PLCXD3: variants seen among roughly 807,000 people sequenced by gnomAD.
The protein encoded by PLCXD3 is phosphatidylinositol specific phospholipase C X domain containing 3.
Under a neutral mutation model 25.5 loss-of-function variants are expected in PLCXD3, and 19 were observed. That is an observed-to-expected ratio of 0.75 (90% CI 0.52 to 1.09). PLCXD3 has a LOEUF of 1.09. Ranked by LOEUF, PLCXD3 falls within the 50% of genes least tolerant of loss-of-function variation. The probability of loss-of-function intolerance (pLI) is 0.00; values close to 1 mark genes in which losing one functional copy is unlikely to be tolerated. For synonymous variants in PLCXD3, 174 were observed against 137.6 expected (o/e 1.26, Z -1.85); for missense variants, 411 against 388.1 (o/e 1.06, Z -0.50).
intron 1 of PLCXD3, among the ~76,000 whole-genome samples, chr5:41,504,746 A>G (rs569350256): frequency 6.6e-6 from 1 of 152,322 alleles, no homozygotes; most frequent in African/African-American, 2.4e-5. Context: ...CAAAACAGGA[A>G]AGAAGGAAAA....
chr5:41,425,819 A>G (rs550697722), intron 1 of PLCXD3, among the ~76,000 whole-genome samples: 1 of 152,112 alleles, frequency 6.6e-6, no homozygotes, highest in African/African-American at 2.4e-5. Flanking sequence ...AGCTCATTTC[A>G]TTTTAGCACT....
At chr5:41,431,455 A>G (rs1747099983) in intron 1 of PLCXD3, among the ~76,000 whole-genome samples, 1 of 152,206 alleles carries the variant, frequency 6.6e-6, no homozygotes, top group Admixed American at 6.5e-5. Flanking sequence ...ATTTATTCAT[A>G]CAACACAATC....
intron 1 of PLCXD3, among the ~76,000 whole-genome samples, chr5:41,412,549 G>A (rs1746585158): frequency 6.6e-6 from 1 of 152,114 alleles, no homozygotes; most frequent in Admixed American, 6.6e-5. Flanking sequence ...GCTGTTAGTG[G>A]GAAATTACAG....
intron 1 of PLCXD3, among the ~76,000 whole-genome samples, chr5:41,503,510 C>T (rs913500822): frequency 4.6e-5 from 7 of 152,078 alleles, no homozygotes; most frequent in African/African-American, 7.2e-5. Context: ...ACCTGACCTC[C>T]GGAGGTGACT....
At chr5:41,335,740 G>A (rs903845793) in intron 2 of PLCXD3, among the ~76,000 whole-genome samples, 1 of 152,084 alleles carries the variant, frequency 6.6e-6, no homozygotes, top group African/African-American at 2.4e-5. Flanking sequence ...TGTTGGGGTG[G>A]ATACAGGGAT....
intron 1 of PLCXD3, among the ~76,000 whole-genome samples, chr5:41,469,650 T>C (rs318089): frequency 0.86 from 130,863 of 152,142 alleles, 56,669 homozygotes; most frequent in Middle Eastern, 0.9. Flanking sequence ...TATAATTGTT[T>C]GTAGTAGTTT....
At position 41,415,289 on chromosome 5, in the gene PLCXD3, C is replaced by A. The variant is rs73750169; in HGVS notation, c.104-32755G>T. Among the ~76,000 whole-genome samples, 818 of 152,272 alleles carry A rather than the reference C, an allele frequency of 5.4e-3. 11 individuals carry two copies. The highest frequency in any genetic ancestry group is 0.019 in the African/African-American group (773 of 41,542). On this transcript the variant is annotated intron_variant, in intron 1 of 2. Coordinates refer to ENST00000377801, the MANE Select transcript of PLCXD3 (RefSeq NM_001005473.3). ...TTAAAAAGAGTGTTTCAAGACCTCC[C>A]AGAAGTTTTGTATTTTACTGTGGGA... is the stretch of plus-strand genomic sequence containing the variant.
At chr5:41,456,378 C>G (rs1440152749) in intron 1 of PLCXD3, among the ~76,000 whole-genome samples, 1 of 151,660 alleles carries the variant, frequency 6.6e-6, no homozygotes, top group East Asian at 1.9e-4. Flanking sequence ...CCTATTGTTA[C>G]AAAACATTCT....
intron 2 of PLCXD3, among the ~76,000 whole-genome samples, chr5:41,381,214 G>T (rs902340424): frequency 2.0e-5 from 3 of 152,214 alleles, no homozygotes; most frequent in African/African-American, 7.2e-5. Context: ...AAAGGATATT[G>T]CAATCTATAA....
chr5:41,438,783 G>A (rs1449574307), intron 1 of PLCXD3, among the ~76,000 whole-genome samples: 1 of 145,740 alleles, frequency 6.9e-6, no homozygotes, highest in Non-Finnish European at 1.5e-5. Flanking sequence ...TTATTATTTA[G>A]TCCTTACCCT....
chr5:41,393,860 G>A lies in PLCXD3; in HGVS notation c.104-11326C>T, dbSNP rs559850550. Among the ~76,000 whole-genome samples, 4 of 152,106 alleles carry A rather than the reference G, an allele frequency of 2.6e-5. No homozygotes were observed. In the East Asian group the frequency reaches 5.8e-4, roughly 22 times the overall value. On this transcript the variant is annotated intron_variant, in intron 1 of 2. Transcript: ENST00000377801. ...CAGAAGGATGGTGTGAACCCAGGAG[G>A]CAGAGCTTGCAGTGAGCCGAGATCG...
intron 1 of PLCXD3, among the ~76,000 whole-genome samples, chr5:41,452,951 T>G (rs988539001): frequency 6.6e-6 from 1 of 152,038 alleles, no homozygotes; most frequent in Admixed American, 6.6e-5. Flanking sequence ...GTATACATTG[T>G]GGAATAGATA....
chr5:41,425,787 C>T (rs1276357732), intron 1 of PLCXD3, among the ~76,000 whole-genome samples: 1 of 152,100 alleles, frequency 6.6e-6, no homozygotes, highest in Non-Finnish European at 1.5e-5. Flanking sequence ...TAAGTTTCTT[C>T]GATGTGTTTT....
At chr5:41,320,356 T>G (rs1743429653) in intron 2 of PLCXD3, among the ~76,000 whole-genome samples, 1 of 152,172 alleles carries the variant, frequency 6.6e-6, no homozygotes, top group African/African-American at 2.4e-5. Context: ...TGATGAATAT[T>G]GATGTAAAAA....
intron 1 of PLCXD3, among the ~76,000 whole-genome samples, chr5:41,491,934 A>G (rs1368744147): frequency 6.6e-6 from 1 of 150,466 alleles, no homozygotes; most frequent in Non-Finnish European, 1.5e-5. Context: ...GTCCATTTAC[A>G]TTTAAAGTTA....
At chr5:41,436,920 A>G (rs1346573297) in intron 1 of PLCXD3, among the ~76,000 whole-genome samples, 1 of 152,240 alleles carries the variant, frequency 6.6e-6, no homozygotes, top group Admixed American at 6.5e-5. Flanking sequence ...AGGAAAACAT[A>G]TATACTTAAA....
chr5:41,409,073 G>A (rs1436893709), intron 1 of PLCXD3, among the ~76,000 whole-genome samples: 1 of 152,162 alleles, frequency 6.6e-6, no homozygotes, highest in African/African-American at 2.4e-5. Flanking sequence ...TCATTATTTT[G>A]CCTTAGCCTC....
intron 1 of PLCXD3, among the ~76,000 whole-genome samples, chr5:41,445,001 G>A (rs555415744): frequency 6.6e-6 from 1 of 152,306 alleles, no homozygotes; most frequent in African/African-American, 2.4e-5. Flanking sequence ...ATGCTCTTTT[G>A]TCAACATATA....
chr5:41,443,914 A>G (rs1202741848), intron 1 of PLCXD3, among the ~76,000 whole-genome samples: 1 of 152,168 alleles, frequency 6.6e-6, no homozygotes, highest in Non-Finnish European at 1.5e-5. Context: ...ATCCTGCTCT[A>G]TGTAGATACT....
Sources: gnomAD v4.1 joint callset for allele counts (sites outside exome capture counted in the v4.1 genomes callset) on GRCh38, gnomAD v4.1.1 for gene constraint, MANE v1.5 for transcripts, NCBI Gene and HGNC (gene_info 2026-07-23, HGNC 2026-07-21) for gene names.